Variants in ADGRG2 observed in about 807,000 individuals in gnomAD.
The protein encoded by ADGRG2 is G protein-coupled receptor 64.
In ADGRG2, 26 loss-of-function variants were observed where a neutral mutation model predicts 74.1. The observed-to-expected ratio is 0.35, with a 90% CI of 0.26 to 0.49. The LOEUF (loss-of-function observed/expected upper bound fraction) is 0.49. Among genes scored for constraint, ADGRG2 ranks in the 20% least tolerant of loss-of-function variants. The pLI is 0.99. For synonymous variants in ADGRG2, 296 were observed against 295.2 expected (o/e 1.00, Z -0.03); for missense variants, 619 against 763.1 (o/e 0.81, Z 2.22).
chrX:19,042,716 C>T (rs181036572), intron 3 of ADGRG2, among the ~76,000 whole-genome samples: 2 of 111,320 alleles, frequency 1.8e-5, no homozygotes, highest in East Asian at 2.8e-4. Context: ...TAAGGCTGGG[C>T]GCAGTGGCTC....
At chrX:19,074,297 T>G (rs1481190051) in intron 2 of ADGRG2, among the ~76,000 whole-genome samples, 2 of 111,415 alleles carry the variant, frequency 1.8e-5, no homozygotes, top group African/African-American at 6.5e-5. Flanking sequence ...TGGAGTGCAG[T>G]GGCATGACCA....
At chrX:19,069,020 G>A (rs1232999181) in intron 2 of ADGRG2, among the ~76,000 whole-genome samples, 185 bp from the exon 3 acceptor site, 3 of 111,998 alleles carry the variant, frequency 2.7e-5, no homozygotes, top group African/African-American at 9.7e-5. Flanking sequence ...TGTTTATTAT[G>A]GGAGGGTTGC....
chrX:19,059,273 C>T (rs368544360), intron 3 of ADGRG2, among the ~76,000 whole-genome samples: 14 of 111,705 alleles, frequency 1.3e-4, no homozygotes, highest in East Asian at 8.5e-4. Flanking sequence ...GTTAAGAACA[C>T]GAGTTCTAGA....
At chrX:19,036,515 G>A (rs2060943129) in intron 6 of ADGRG2, 2 of 109,838 alleles carry the variant, frequency 1.8e-5, no homozygotes, top group Non-Finnish European at 3.8e-5. Flanking sequence ...ATTTAAAATC[G>A]ATTCTATTGG....
chrX:19,024,015 G>C (rs2060648133), intron 11 of ADGRG2, 67 bp from the exon 12 acceptor site: 1 of 777,908 alleles, frequency 1.3e-6, no homozygotes, highest in African/African-American at 2.0e-5. Context: ...AAACATGTTA[G>C]ATTTTAGCAA....
chrX:19,003,130 G>GA lies in ADGRG2; in HGVS notation c.1962-17dup. ...CCGGATCTTTCTAAAAGGAAAGGAT[G>GA]AGAACAAGAATGAGCATTCTACTCT... On this transcript the variant is annotated splice_polypyrimidine_tract_variant and intron_variant, in intron 23 of 28. Transcript: ENST00000379869. The GA allele has an allele frequency of 8.5e-7, 1 of 1,179,772 alleles. No individual in the cohort carries two copies. Among genetic ancestry groups the GA allele is most frequent in the African/African-American group, 1.8e-5 (1 of 56,949 alleles).
chrX:18,997,520 C>T (rs1477125028), intron 26 of ADGRG2, among the ~76,000 whole-genome samples: 2 of 111,978 alleles, frequency 1.8e-5, no homozygotes, highest in Non-Finnish European at 3.8e-5. Context: ...CCGTGGTTGG[C>T]AAATAAAACT....
chrX:19,019,655 G>A lies in ADGRG2; in HGVS notation c.654C>T (p.Cys218=). 1 of 1,155,278 alleles carries A rather than the reference G, an allele frequency of 8.7e-7. No individual in the cohort carries two copies. Among genetic ancestry groups the A allele is most frequent in the Non-Finnish European group, 1.2e-6 (1 of 846,013 alleles). The part of the protein sequence containing the change: ...RVKIRPMEHC[C]CSVRIPCPSS... ...AAGGGCAGGGTATCCTGACAGAACA[G>A]CAGCAGTGTTCTAGGAGAGACAAAA... The change falls in exon 15 of 29, where the codon TGC becomes TGT. Residue 218 remains cysteine (C), a synonymous_variant. Coordinates refer to ENST00000379869, the MANE Select transcript of ADGRG2 (RefSeq NM_001079858.3).
chrX:19,089,657 CA>C (rs1031203566), intron 1 of ADGRG2, among the ~76,000 whole-genome samples: 48 of 111,479 alleles, frequency 4.3e-4, no homozygotes, highest in Non-Finnish European at 7.5e-4. Context: ...CTTTAAGGCT[CA>C]AGCCACCATG....
At chrX:19,019,074 T>C (rs923800802) in intron 15 of ADGRG2, among the ~76,000 whole-genome samples, 5 of 111,785 alleles carry the variant, frequency 4.5e-5, no homozygotes, top group Non-Finnish European at 9.4e-5. Context: ...CTCGATCTCC[T>C]GACCTCGTGA....
chrX:19,122,696 C>G (rs2147111040), upstream of ADGRG2: 1 of 109,741 alleles, frequency 9.1e-6, no homozygotes, highest in African/African-American at 3.3e-5. Context: ...CGCGGCCGGC[C>G]GAAGCCGGGC....
chrX:19,077,395 C>T (rs764146310), intron 2 of ADGRG2, among the ~76,000 whole-genome samples: 3 of 103,379 alleles, frequency 2.9e-5, no homozygotes, highest in Admixed American at 2.1e-4. Flanking sequence ...TGCCTGTAAT[C>T]CCAGGCTACT....
chrX:19,026,305 A>G (rs988584951), intron 11 of ADGRG2, among the ~76,000 whole-genome samples: 1 of 112,614 alleles, frequency 8.9e-6, no homozygotes, highest in Non-Finnish European at 1.9e-5. Context: ...TCAAAAGTTT[A>G]TAACAATCTC....
intron 2 of ADGRG2, among the ~76,000 whole-genome samples, chrX:19,079,845 C>A (rs191638412): frequency 9.0e-6 from 1 of 110,980 alleles, no homozygotes; most frequent in South Asian, 3.8e-4. Context: ...CTAAATTGTG[C>A]GCTTAATGTA....
chrX:19,053,351 G>A (rs945892312), intron 3 of ADGRG2, among the ~76,000 whole-genome samples: 3 of 110,683 alleles, frequency 2.7e-5, no homozygotes, highest in South Asian at 7.8e-4. Context: ...AGGATTTTGC[G>A]GGGCGGAGGG....
At chrX:19,117,384 A>C (rs2062540057) in intron 1 of ADGRG2, among the ~76,000 whole-genome samples, 1 of 111,763 alleles carries the variant, frequency 8.9e-6, no homozygotes, top group African/African-American at 3.2e-5. Flanking sequence ...AAGTTTGAAC[A>C]CTAGAAAAAG....
chrX:19,031,148 A>G (rs913209507), intron 8 of ADGRG2, 111 bp from the exon 9 acceptor site: 2 of 541,090 alleles, frequency 3.7e-6, no homozygotes, highest in Non-Finnish European at 3.2e-6. Flanking sequence ...CAGAAATATT[A>G]TAAGCTGGAA....
chrX:19,088,579 C>T (rs1373762766), intron 1 of ADGRG2, among the ~76,000 whole-genome samples: 1 of 111,246 alleles, frequency 9.0e-6, no homozygotes, highest in Non-Finnish European at 1.9e-5. Context: ...ACTCAATATC[C>T]CAGGCTCAAG....
intron 1 of ADGRG2, among the ~76,000 whole-genome samples, chrX:19,088,068 T>C (rs1173533551): frequency 9.0e-6 from 1 of 111,691 alleles, no homozygotes; most frequent in Non-Finnish European, 1.9e-5. Context: ...CCACCAACTC[T>C]CTACCCAAGA....
Sources: gnomAD v4.1 joint callset for allele counts (sites outside exome capture counted in the v4.1 genomes callset) on GRCh38, gnomAD v4.1.1 for gene constraint, MANE v1.5 for transcripts, NCBI Gene and HGNC (gene_info 2026-07-23, HGNC 2026-07-21) for gene names.